Variants in WDR90 observed in about 807,000 individuals in gnomAD.
WDR90 encodes the protein WD repeat-containing protein 90.
In WDR90, 238 loss-of-function variants were observed where a neutral mutation model predicts 195.2. The observed-to-expected ratio is 1.22, with a 90% CI of 1.10 to 1.36. The LOEUF is 1.36. Among genes scored for constraint, WDR90 ranks in the 40% most tolerant of loss-of-function variants. WDR90 has a pLI of 0.00. For synonymous variants in WDR90, 1,265 were observed against 1,052.4 expected (o/e 1.20, Z -3.91); for missense variants, 2,734 against 2,439.5 (o/e 1.12, Z -2.54).
intron 13 of WDR90, 64 bp from the exon 14 acceptor site, chr16:654,965 C>A: frequency 6.6e-7 from 1 of 1,526,122 alleles, no homozygotes; most frequent in Middle Eastern, 1.8e-4. Context: ...CTCGGCTGGG[C>A]CTTGCAGAAT....
chr16:659,928 G>A (rs577607459), intron 26 of WDR90, 130 bp from the exon 27 acceptor site: 15 of 722,460 alleles, frequency 2.1e-5, no homozygotes, highest in Non-Finnish European at 2.9e-5. Context: ...CTGTGGCTCC[G>A]GCCTGTGCCC....
rs1048016116 is a variant in WDR90, at chr16:660,252, G to C, written c.3288+91G>C. The C allele has an allele frequency of 2.5e-6, 3 of 1,193,556 alleles. 1 individual carries two copies. Among genetic ancestry groups the C allele is most frequent in the South Asian group, 3.2e-5 (2 of 62,560 alleles). The allele number at this position is 1,193,556 out of a possible 1,614,324, so 73.9% of individuals were successfully genotyped here. ...CCAGCACCTCCTCAGGGTTGCTTTT[G>C]GTCGCCAAAGGTGATGGCTCTGGCC... On this transcript the variant is annotated intron_variant, in intron 27 of 40. Coordinates refer to ENST00000293879, the MANE Select transcript of WDR90 (RefSeq NM_145294.5).
Position 661,444 on chromosome 16 carries a change from A to G in WDR90, c.3616A>G (p.Ser1206Gly). 6 of 1,612,284 alleles carry G rather than the reference A, an allele frequency of 3.7e-6. No homozygotes were observed. The highest frequency in any genetic ancestry group is 5.1e-6 in the Non-Finnish European group (6 of 1,179,796). The change falls in exon 30 of 41, where the codon AGC becomes GGC. Residue 1206 changes from serine to glycine, a missense_variant. By Grantham distance (56) the Ser-to-Gly change is moderately conservative (BLOSUM62 0). Transcript: ENST00000293879. ...GLCQHLIFPH[S>G]TTVLALAFSP... ...CTGCCAGCATCTCATTTTCCCCCATAGCACCACCGTGCTGGCCCTGGCCTT... is the reference window on the plus strand; with the variant it reads ...CTGCCAGCATCTCATTTTCCCCCATGGCACCACCGTGCTGGCCCTGGCCTT...
Position 661,731 on chromosome 16 carries a change from C to G in WDR90, c.3808C>G (p.Gln1270Glu). The G allele has an allele frequency of 6.2e-7, 1 of 1,611,980 alleles. No individual in the cohort carries two copies. Among genetic ancestry groups the G allele is most frequent in the Non-Finnish European group, 8.5e-7 (1 of 1,179,564 alleles). ...CGCCGGCGAGCTCACCTGTGTGGGC[C>G]AGGGCACTGTCACCTTCTGGCTCCT... ...WDAGELTCVG[Q>E]GTVTFWLLQQ... The change falls in exon 31 of 41, where the codon CAG becomes GAG. Residue 1270 changes from glutamine to glutamate, a missense_variant. Coordinates refer to ENST00000293879, the MANE Select transcript of WDR90 (RefSeq NM_145294.5).
chr16:655,852 C>G lies in WDR90; in HGVS notation c.1929C>G (p.Leu643=), dbSNP rs1244639376. The part of the protein sequence containing the change: ...AVGSEDGFLR[L]WPLDFSSVLL... Reference sequence around the variant, plus strand: ...GCTCTGAGGACGGCTTCTTGCGGCTCTGGCCCCTGGACTTCTCCTCGGTGC... The same window carrying G: ...GCTCTGAGGACGGCTTCTTGCGGCTGTGGCCCCTGGACTTCTCCTCGGTGC... The change falls in exon 17 of 41, where the codon CTC becomes CTG. Residue 643 remains leucine (L), a synonymous_variant. Coordinates refer to ENST00000293879, the MANE Select transcript of WDR90 (RefSeq NM_145294.5). 6.3e-7 allele frequency: 1 copy of G among 1,598,722 alleles called. No homozygotes were observed. The highest frequency in any genetic ancestry group is 1.1e-5 in the South Asian group (1 of 88,962).
At position 653,287 on chromosome 16, in the gene WDR90, C is replaced by T. The variant is rs926443225; in HGVS notation, c.1123-54C>T. The T allele has an allele frequency of 2.1e-6, 3 of 1,410,678 alleles. No homozygotes were observed. The Admixed American group carries it at 8.7e-5, about 41-fold the overall frequency. 87.4% of individuals were successfully genotyped at this position (1,410,678 alleles called of 1,614,324 possible). On this transcript the variant is annotated intron_variant, in intron 10 of 40. Coordinates refer to ENST00000293879, the MANE Select transcript of WDR90 (RefSeq NM_145294.5). ...GGAGGTGAGGCTGACCTCCCGGCAG[C>T]CAGGAGGGGCCTGGCGTAGCACCGG...
rs374801160 is a variant in WDR90 at position 666,719 on chromosome 16, A to G, written c.4931A>G (p.Asp1644Gly). The G allele has an allele frequency of 2.5e-6, 4 of 1,612,562 alleles. No homozygotes were observed. The African/African-American group carries it at 5.3e-5, about 22-fold the overall frequency. ...TCCCTCGCTGCCTTCTGCCCTTGGG[A>G]TGGGGCGCTCCTGATGTACGTGGGC... is the stretch of plus-strand genomic sequence containing the variant. ...PPSLAAFCPW[D>G]GALLMYVGPG... The change falls in exon 39 of 41, where the codon GAT (aspartate) becomes GGT (glycine). Residue 1644 changes from aspartate (D) to glycine (G), a missense_variant. By Grantham distance (94) the Asp-to-Gly change is moderately conservative. Coordinates refer to ENST00000293879, the MANE Select transcript of WDR90 (RefSeq NM_145294.5).
At chr16:657,331 G>T in intron 20 of WDR90, 110 bp downstream of exon 20, 1 of 1,420,400 alleles carries the variant, frequency 7.0e-7, no homozygotes, top group South Asian at 1.5e-5. Flanking sequence ...CACCGACTGG[G>T]TCCTGTGGGG....
At chr16:667,337 C>A in intron 40 of WDR90, 95 bp from the exon 41 acceptor site, 1 of 1,483,998 alleles carries the variant, frequency 6.7e-7, no homozygotes, top group Non-Finnish European at 9.0e-7. Context: ...CCCCGACCAG[C>A]ATCATGCCCA....
chr16:660,446 C>T, intron 27 of WDR90, 166 bp from the exon 28 acceptor site: 1 of 723,224 alleles, frequency 1.4e-6, no homozygotes, highest in South Asian at 1.8e-5. Flanking sequence ...CTGGCCCTGG[C>T]ACAGTGCCCA....
Position 657,952 on chromosome 16 carries a change from G to C in WDR90, c.2604+60G>C, listed in dbSNP as rs1292734821. ...GGGCCATGAGAGGCTGGCTGCAGGG[G>C]CAGGAGGGAGGTCACGGCCACTCGG... On this transcript the variant is annotated intron_variant, in intron 21 of 40. Coordinates refer to ENST00000293879, the MANE Select transcript of WDR90 (RefSeq NM_145294.5). 2.0e-6 allele frequency: 3 copies of C among 1,491,760 alleles called. No individual in the cohort carries two copies. In the African/African-American group the frequency reaches 4.2e-5, roughly 21 times the overall value. 92.4% of individuals were successfully genotyped at this position (1,491,760 alleles called of 1,614,324 possible).
At chr16:656,896 C>G (rs947868289) in intron 19 of WDR90, 25 bp downstream of exon 19, 1 of 1,606,430 alleles carries the variant, frequency 6.2e-7, no homozygotes. Context: ...GGCCACCAGC[C>G]CCACGGAGAC....
At chr16:657,282 G>T (rs2037779622) in intron 20 of WDR90, 61 bp downstream of exon 20, 7 of 1,479,596 alleles carry the variant, frequency 4.7e-6, no homozygotes, top group Middle Eastern at 4.7e-4. Context: ...TGGATCTGGT[G>T]CAGGCCCACA....
chr16:657,120 C>T lies in WDR90; in HGVS notation c.2372C>T (p.Thr791Ile), dbSNP rs1342137892. The T allele has an allele frequency of 6.3e-7, 1 of 1,589,684 alleles. No homozygotes were observed. The highest frequency in any genetic ancestry group is 1.1e-5 in the South Asian group (1 of 87,690). The change falls in exon 20 of 41, where the codon ACC becomes ATC. Residue 791 changes from threonine (T) to isoleucine (I), a missense_variant. Physicochemically the swap from Thr to Ile is moderately conservative, Grantham distance 89. Coordinates refer to ENST00000293879, the MANE Select transcript of WDR90 (RefSeq NM_145294.5). ...TCHRGAVTGL[T>I]ATPDGRLLFS... Reference sequence around the variant, plus strand: ...CACCGAGGAGCTGTCACCGGCCTGACCGCCACCCCTGACGGCCGCCTGCTC... The same window carrying T: ...CACCGAGGAGCTGTCACCGGCCTGATCGCCACCCCTGACGGCCGCCTGCTC...
At chr16:653,068 G>A (rs956332657) in intron 10 of WDR90, among the ~76,000 whole-genome samples, 1 of 152,214 alleles carries the variant, frequency 6.6e-6, no homozygotes, top group Non-Finnish European at 1.5e-5. Flanking sequence ...CACTGGAGGC[G>A]GGGCTTAGAG....
chr16:657,740 C>T, intron 20 of WDR90, 22 bp from the exon 21 acceptor site: 1 of 1,537,580 alleles, frequency 6.5e-7, no homozygotes, highest in Non-Finnish European at 8.8e-7. Flanking sequence ...ACCCAGCTGA[C>T]CCCTGCCCCG....
chr16:665,914 T>C (rs780923684), intron 35 of WDR90, 36 bp from the exon 36 acceptor site: 8 of 1,564,864 alleles, frequency 5.1e-6, no homozygotes, highest in Non-Finnish European at 6.1e-6. Flanking sequence ...TCAGGGCCCC[T>C]GTGAGTGCTG....
chr16:649,455 G>C, intron 1 of WDR90, 29 bp downstream of exon 1: 3 of 1,296,286 alleles, frequency 2.3e-6, no homozygotes, highest in Non-Finnish European at 2.9e-6. Context: ...GGGTCCCGAG[G>C]ATCCCGGGTT....
At chr16:661,213 G>A (rs544477141) in intron 29 of WDR90, 41 bp downstream of exon 29, 60 of 1,517,422 alleles carry the variant, frequency 4.0e-5, no homozygotes, top group East Asian at 1.4e-4. Flanking sequence ...CAGGGCCACC[G>A]TGCCCGGCAG....
Sources: allele counts gnomAD v4.1 joint callset (sites outside exome capture counted in the v4.1 genomes callset), GRCh38; gene constraint gnomAD v4.1.1; transcripts MANE v1.5; gene names NCBI Gene and HGNC (gene_info 2026-07-23, HGNC 2026-07-21).